PLCH2: variants seen among roughly 807,000 people sequenced by gnomAD.
PLCH2 encodes the protein phospholipase C eta 2, also known as 1-phosphatidylinositol 4,5-bisphosphate phosphodiesterase eta-2.
A neutral mutation model predicts 134.7 loss-of-function variants in PLCH2; 98 were observed. The ratio of observed to expected loss-of-function variants is 0.73; its 90% CI spans 0.62 to 0.86. PLCH2 has a LOEUF of 0.86. Ranked by LOEUF, PLCH2 falls within the 40% of genes least tolerant of loss-of-function variation. PLCH2 has a pLI of 0.00. For synonymous variants in PLCH2, 974 were observed against 827.5 expected (o/e 1.18, Z -3.04); for missense variants, 1,994 against 1,986.6 (o/e 1.00, Z -0.07).
At chr1:2,495,706 G>A in intron 13 of PLCH2, 136 bp downstream of exon 13, 1 of 625,454 alleles carries the variant, frequency 1.6e-6, no homozygotes, top group South Asian at 2.1e-5. Context: ...CCTGGAAGCA[G>A]TGAAGTGGTA....
In PLCH2 at chr1:2,496,977, C is replaced by A; in HGVS notation, c.2083C>A (p.Pro695Thr). The A allele has an allele frequency of 6.2e-7, 1 of 1,613,356 alleles. No homozygotes were observed. The highest frequency in any genetic ancestry group is 8.5e-7 in the Non-Finnish European group (1 of 1,179,826). Residue 695 changes from proline to threonine, a missense_variant, in exon 15 of 22, where the codon CCG (proline) becomes ACG (threonine). Coordinates refer to ENST00000378486, the MANE Select transcript of PLCH2 (RefSeq NM_014638.4). ...CCGTGTGGACTCCAGCAACTACAAC[C>A]CGCAGCCCTTCTGGAACGCCGGCTG... ...SYRVDSSNYN[P>T]QPFWNAGCQM... is the part of the protein sequence containing the mutation.
chr1:2,415,960 T>C, the PLCH2 span, among the ~76,000 whole-genome samples: 1 of 152,250 alleles, frequency 6.6e-6, no homozygotes, highest in African/African-American at 2.4e-5. Flanking sequence ...GTTCCGGTGC[T>C]GTGGGGAGCT....
chr1:2,467,635 C>T (rs1429921819), exon 1 of PLCH2: 7 of 412,548 alleles, frequency 1.7e-5, no homozygotes, highest in Non-Finnish European at 2.6e-5. Flanking sequence ...AGAGCCTGGG[C>T]CCCCAGGTGG....
rs370793447 is a variant in PLCH2, at chr1:2,491,420, T to C, written c.1659+85T>C. On this transcript the variant is annotated intron_variant, in intron 11 of 21. Coordinates refer to ENST00000378486, the MANE Select transcript of PLCH2 (RefSeq NM_014638.4). ...GGGCCAGCCAGGGCCCCCGAACGTATGCTCTGTGCGCACTCACACCTGTGC... is the reference window on the plus strand; with the variant it reads ...GGGCCAGCCAGGGCCCCCGAACGTACGCTCTGTGCGCACTCACACCTGTGC... The C allele has an allele frequency of 1.6e-3, 2,234 of 1,422,506 alleles. 3 individuals carry two copies. The highest frequency in any genetic ancestry group is 1.6e-3 in the East Asian group (72 of 43,950). The allele number at this position is 1,422,506 out of a possible 1,614,324, so 88.1% of individuals were successfully genotyped here.
chr1:2,497,994 G>A (rs543155922), intron 16 of PLCH2: 5 of 257,384 alleles, frequency 1.9e-5, no homozygotes, highest in East Asian at 7.8e-5. Context: ...ACCTCCTCCC[G>A]GCTCTCAGAC....
At chr1:2,476,140 G>A (rs1250623208), upstream of PLCH2, among the ~76,000 whole-genome samples, 1 of 152,244 alleles carries the variant, frequency 6.6e-6, no homozygotes, top group Non-Finnish European at 1.5e-5. Flanking sequence ...CCTGACCTGG[G>A]TCTGGTGGCC....
In PLCH2 at chr1:2,504,391, TTCC is replaced by T. The variant is rs555614613; in HGVS notation, c.3439_3441del (p.Ser1148del). 1,691 of 1,611,574 alleles carry T rather than the reference TTCC, an allele frequency of 1.0e-3. 17 individuals are homozygous for T. The African/African-American group carries it at 0.018, about 17-fold the overall frequency. On this transcript the variant is annotated inframe_deletion, in exon 22 of 22. Transcript: ENST00000378486. The stretch of plus-strand genomic sequence containing the variant: ...AGCCATGTGGCCACCGAGACAGCGT[TTCC>T]TCCTCCTCCAGCATGTCATCCAGCG...
At chr1:2,435,047 G>T (rs79243749) in intron 2 of PLCH2, among the ~76,000 whole-genome samples, 1 of 152,220 alleles carries the variant, frequency 6.6e-6, no homozygotes, top group Admixed American at 6.5e-5. Flanking sequence ...GAACACCGGG[G>T]CGCAGGGACT....
intron 2 of PLCH2, among the ~76,000 whole-genome samples, chr1:2,442,098 C>T (rs934669680): frequency 1.3e-5 from 2 of 152,262 alleles, no homozygotes; most frequent in African/African-American, 2.4e-5. Flanking sequence ...GTAGCCTCTC[C>T]GCGGTGAGCT....
At chr1:2,452,721 C>A (rs1265047097) in intron 2 of PLCH2, among the ~76,000 whole-genome samples, 1 of 152,218 alleles carries the variant, frequency 6.6e-6, no homozygotes, top group African/African-American at 2.4e-5. Context: ...TGGGCATGAA[C>A]CTCCCTTCTG....
upstream of PLCH2, among the ~76,000 whole-genome samples, chr1:2,465,418 T>A (rs950203961): frequency 1.3e-5 from 2 of 152,198 alleles, no homozygotes; most frequent in Admixed American, 1.3e-4. Flanking sequence ...TCCTCCCAGC[T>A]GTGCCGGCCC....
chr1:2,502,444 T>G, intron 21 of PLCH2, 35 bp downstream of exon 21: 3 of 1,539,384 alleles, frequency 1.9e-6, no homozygotes, highest in Non-Finnish European at 2.6e-6. Flanking sequence ...AGAAGAGCCC[T>G]GTGCGAGTGC....
chr1:2,448,946 G>A lies in PLCH2; in HGVS notation c.115+18317G>A, dbSNP rs1016585371. On this transcript the variant is annotated intron_variant, in intron 2 of 3. Transcript: ENST00000609981. The surrounding 1 kb of genome is among the most constrained non-coding windows in gnomAD (Gnocchi z 4.0). ...TGCTCGTTTCGTCAAACTGTTGTAC[G>A]TGGCTCCTTTGCTGGCGCGGGGAAA... 6.6e-6 allele frequency among the ~76,000 whole-genome samples: 1 copy of A among 152,204 alleles called. No individual in the cohort carries two copies. Among genetic ancestry groups the A allele is most frequent in the Non-Finnish European group, 1.5e-5 (1 of 68,038 alleles).
At chr1:2,500,102 C>T (rs1030521581) in intron 20 of PLCH2, 3 of 268,382 alleles carry the variant, frequency 1.1e-5, no homozygotes, top group Non-Finnish European at 2.2e-5. Context: ...CTCTACTACC[C>T]CCCACCCCTC....
chr1:2,449,825 C>T (rs2100551615), intron 2 of PLCH2, among the ~76,000 whole-genome samples: 1 of 152,346 alleles, frequency 6.6e-6, no homozygotes, highest in South Asian at 2.1e-4. Context: ...ACAGTGGCTG[C>T]CCCAGCCTCG....
rs773893025 is a variant in PLCH2 at position 2,479,892 on chromosome 1, C to G, written c.430C>G (p.Arg144Gly). 1 of 1,611,924 alleles carries G rather than the reference C, an allele frequency of 6.2e-7. No individual in the cohort carries two copies. ...DLVSTSSEVA[R>G]TWVTGLRYLM... is the part of the protein sequence containing the mutation. ...GGTCTCCACCAGCAGCGAGGTGGCGCGCACCTGGGTCACTGGCCTGCGCTA... is the reference window on the plus strand; with the variant it reads ...GGTCTCCACCAGCAGCGAGGTGGCGGGCACCTGGGTCACTGGCCTGCGCTA... The change falls in exon 3 of 22, where the codon CGC becomes GGC. Residue 144 changes from arginine (R) to glycine (G), a missense_variant. Arg to Gly is a moderately radical substitution (Grantham distance 125). Around this residue, in one of 2 missense-constraint regions of PLCH2, gnomAD observed 1,094 missense variants for 1,234.3 expected, o/e 0.89. Transcript: ENST00000378486.
chr1:2,475,645 C>T (rs977609990), upstream of PLCH2, among the ~76,000 whole-genome samples: 8 of 152,202 alleles, frequency 5.3e-5, no homozygotes, highest in Non-Finnish European at 1.2e-4. Context: ...GCTGTCATCC[C>T]TGCAGGGCAG....
the PLCH2 span, among the ~76,000 whole-genome samples, chr1:2,419,207 C>T: frequency 3.3e-5 from 5 of 152,318 alleles, no homozygotes; most frequent in African/African-American, 7.2e-5. Flanking sequence ...CCCAGGCTGC[C>T]GGCCTGGTCT....
At chr1:2,456,318 A>G (rs918988025) in intron 2 of PLCH2, among the ~76,000 whole-genome samples, 2 of 152,096 alleles carry the variant, frequency 1.3e-5, no homozygotes, top group African/African-American at 4.8e-5. Context: ...ACCTGACCTC[A>G]TGGCCGCTGA....
Sources: allele counts gnomAD v4.1 joint callset (sites outside exome capture counted in the v4.1 genomes callset), GRCh38; gene constraint gnomAD v4.1.1; regional missense constraint gnomAD v4.1.1; non-coding constraint Gnocchi (gnomAD v3.1); transcripts MANE v1.5; gene names NCBI Gene and HGNC (gene_info 2026-07-23, HGNC 2026-07-21).